Variants in WWOX observed in about 807,000 individuals in gnomAD.
WWOX encodes WW domain containing oxidoreductase, also known as WW domain-containing oxidoreductase.
A neutral mutation model predicts 46.2 loss-of-function variants in WWOX; 69 were observed. The observed-to-expected ratio is 1.49, with a 90% CI of 1.23 to 1.82. WWOX has a LOEUF of 1.82. WWOX is among the 40% of genes most tolerant of loss of function. WWOX has a pLI of 0.00. For synonymous variants in WWOX, 359 were observed against 202.6 expected, an observed-to-expected ratio of 1.77 and a Z score of -6.56; for missense variants, 919 against 542.6, an observed-to-expected ratio of 1.69 and a Z score of -6.89.
rs569210868 is a variant in WWOX at position 78,750,710 on chromosome 16, G to T, written c.1056+317958G>T. On this transcript the variant is annotated intron_variant, in intron 8 of 8. Transcript: ENST00000566780. Reference sequence around the variant, plus strand: ...GTCTTCATGCCCATGTGTACGCAGTGTTGAGCTTCGACTTGTAAGTAAGAA... The same window carrying T: ...GTCTTCATGCCCATGTGTACGCAGTTTTGAGCTTCGACTTGTAAGTAAGAA... Among the ~76,000 whole-genome samples the T allele has an allele frequency of 2.0e-5, 3 of 152,186 alleles. No homozygotes were observed. In the East Asian group the frequency reaches 5.8e-4, roughly 29 times the overall value.
At chr16:79,171,055 G>C (rs2050690729) in intron 8 of WWOX, among the ~76,000 whole-genome samples, 1 of 152,202 alleles carries the variant, frequency 6.6e-6, no homozygotes. Flanking sequence ...TGAACTTTAA[G>C]AGGAACTATG....
intron 8 of WWOX, among the ~76,000 whole-genome samples, chr16:79,117,679 T>C (rs935018122): frequency 6.6e-6 from 1 of 152,256 alleles, no homozygotes; most frequent in African/African-American, 2.4e-5. Context: ...TTAGTGGTCT[T>C]ATCTAGATCT....
At chr16:78,107,523 A>G (rs954578672) in intron 1 of WWOX, among the ~76,000 whole-genome samples, 6 of 152,150 alleles carry the variant, frequency 3.9e-5, no homozygotes, top group African/African-American at 1.4e-4. Context: ...AGATGAGGGG[A>G]TGGAGATTAA....
intron 5 of WWOX, among the ~76,000 whole-genome samples, chr16:78,386,452 C>G (rs1023355755): frequency 2.6e-5 from 4 of 152,102 alleles, no homozygotes; most frequent in Admixed American, 6.5e-5. Context: ...ATTTCAGAAC[C>G]TGGATGGCAG....
chr16:78,672,340 T>C (rs189611389), intron 8 of WWOX, among the ~76,000 whole-genome samples: 6 of 152,318 alleles, frequency 3.9e-5, no homozygotes, highest in African/African-American at 1.4e-4. Flanking sequence ...GAAGTGCTTG[T>C]TAACTTTGCA....
chr16:78,716,746 T>G (rs952726564), intron 8 of WWOX, among the ~76,000 whole-genome samples: 4 of 152,050 alleles, frequency 2.6e-5, no homozygotes, highest in African/African-American at 9.7e-5. Context: ...AAAAAGCGTC[T>G]CTATTCGAAT....
chr16:78,600,807 A>G (rs2045603910), intron 8 of WWOX, among the ~76,000 whole-genome samples: 1 of 152,168 alleles, frequency 6.6e-6, no homozygotes, highest in Non-Finnish European at 1.5e-5. Flanking sequence ...AACCCTTTGA[A>G]TCGGATGTCT....
At chr16:78,193,385 G>C (rs1415852318) in intron 5 of WWOX, among the ~76,000 whole-genome samples, 1 of 152,140 alleles carries the variant, frequency 6.6e-6, no homozygotes, top group Non-Finnish European at 1.5e-5. Context: ...CTAAAACCAC[G>C]AACATACATG....
chr16:78,264,626 C>T (rs143534968), intron 5 of WWOX: 73 of 152,370 alleles, frequency 4.8e-4, no homozygotes, highest in African/African-American at 1.6e-3. Context: ...AAGAGTTGAT[C>T]GATGACAGAA....
intron 5 of WWOX, among the ~76,000 whole-genome samples, chr16:78,361,083 A>G (rs909967954): frequency 3.5e-4 from 54 of 152,290 alleles, no homozygotes; most frequent in African/African-American, 1.3e-3. Context: ...TCGGCTTCCC[A>G]AAGTGCTGGG....
chr16:78,542,610 T>G (rs2043925315), intron 8 of WWOX, among the ~76,000 whole-genome samples: 2 of 152,192 alleles, frequency 1.3e-5, no homozygotes, highest in South Asian at 4.1e-4. Context: ...ACCGCACAGA[T>G]CCACACAGGA....
At chr16:78,154,158 G>T (rs910021404) in intron 4 of WWOX, among the ~76,000 whole-genome samples, 2 of 152,134 alleles carry the variant, frequency 1.3e-5, no homozygotes, top group Non-Finnish European at 2.9e-5. Flanking sequence ...CTAGACTTAG[G>T]CAGTCCCTGG....
Position 78,654,292 on chromosome 16 carries a change from A to G in WWOX, c.1056+221540A>G, listed in dbSNP as rs558779118. ...TCAGCTTAGTGATATGAGAATTATG[A>G]AACATAAATCCCTTTGTAAAAATAT... On this transcript the variant is annotated intron_variant, in intron 8 of 8. Transcript: ENST00000566780. 3.3e-5 allele frequency among the ~76,000 whole-genome samples: 5 copies of G among 152,332 alleles called. No individual in the cohort carries two copies. The South Asian group carries it at 8.3e-4, about 25-fold the overall frequency.
At chr16:78,408,235 A>G (rs188872139) in intron 6 of WWOX, among the ~76,000 whole-genome samples, 2 of 152,230 alleles carry the variant, frequency 1.3e-5, no homozygotes, top group African/African-American at 4.8e-5. Flanking sequence ...CCTATTTTAC[A>G]TATTCCTGCC....
At chr16:78,229,215 G>A (rs1241907198) in intron 5 of WWOX, among the ~76,000 whole-genome samples, 1 of 149,092 alleles carries the variant, frequency 6.7e-6, no homozygotes, top group Non-Finnish European at 1.5e-5. Context: ...TACTCAGAAG[G>A]ACTTTATAAA....
At chr16:78,762,512 G>C (rs141843129) in intron 8 of WWOX, among the ~76,000 whole-genome samples, 1 of 152,114 alleles carries the variant, frequency 6.6e-6, no homozygotes, top group Non-Finnish European at 1.5e-5. Flanking sequence ...AAGACAATAC[G>C]ACCCAGCCCC....
Position 78,754,017 on chromosome 16 carries a change from T to C in WWOX, c.1056+321265T>C, listed in dbSNP as rs555731779. Among the ~76,000 whole-genome samples, 4 of 151,666 alleles carry C rather than the reference T, an allele frequency of 2.6e-5. No homozygotes were observed. In the South Asian group the frequency reaches 8.4e-4, roughly 32 times the overall value. On this transcript the variant is annotated intron_variant, in intron 8 of 8. Transcript: ENST00000566780. ...TATGCCAAAGAGAATGATTATTAAA[T>C]TATCATTAATGTGAACTCTTGTAAT...
intron 8 of WWOX, among the ~76,000 whole-genome samples, chr16:78,501,603 C>A (rs1283638669): frequency 6.6e-6 from 1 of 151,606 alleles, no homozygotes; most frequent in Non-Finnish European, 1.5e-5. Flanking sequence ...GTGGTGGGAT[C>A]TTGGCTCACT....
chr16:78,330,308 A>C (rs539181978), intron 5 of WWOX, among the ~76,000 whole-genome samples: 3 of 152,226 alleles, frequency 2.0e-5, no homozygotes, highest in Non-Finnish European at 2.9e-5. Flanking sequence ...TTTTACCACA[A>C]ATTAAAGAAA....
Sources: gnomAD v4.1 joint callset for allele counts (sites outside exome capture counted in the v4.1 genomes callset) on GRCh38, gnomAD v4.1.1 for gene constraint, MANE v1.5 for transcripts, NCBI Gene and HGNC (gene_info 2026-07-23, HGNC 2026-07-21) for gene names.